CSGALNACT1: variants seen among roughly 807,000 people sequenced by gnomAD.
CSGALNACT1 encodes chondroitin sulfate N-acetylgalactosaminyltransferase 1, also known as beta4GalNAcT-1.
CSGALNACT1 carries 52 observed loss-of-function variants against 51.0 expected under a neutral mutation model. The observed-to-expected ratio is 1.02, with a 90% CI of 0.82 to 1.29. The LOEUF (loss-of-function observed/expected upper bound fraction) is 1.29, where lower values mean the gene tolerates loss of function less well. Among genes scored for constraint, CSGALNACT1 ranks in the 50% most tolerant of loss-of-function variants. The pLI, the probability that CSGALNACT1 is intolerant of heterozygous loss-of-function variation, is 0.00. For missense variants in CSGALNACT1, 935 were observed against 679.2 expected, an observed-to-expected ratio of 1.38 and a Z score of -4.19; for synonymous variants, 341 against 254.4, an observed-to-expected ratio of 1.34 and a Z score of -3.24.
intron 1 of CSGALNACT1, among the ~76,000 whole-genome samples, chr8:19,733,301 C>T (rs985130881): frequency 5.3e-5 from 8 of 152,174 alleles, no homozygotes; most frequent in African/African-American, 1.7e-4. Context: ...GGAACTTGCT[C>T]CTTGTGGTAT....
chr8:19,536,961 A>G (rs1189859882), intron 3 of CSGALNACT1, among the ~76,000 whole-genome samples: 2 of 152,168 alleles, frequency 1.3e-5, no homozygotes, highest in African/African-American at 4.8e-5. Flanking sequence ...TGAATATCCA[A>G]TCTGAGAATC....
intron 1 of CSGALNACT1, among the ~76,000 whole-genome samples, chr8:19,648,061 T>C (rs1025121106): frequency 1.3e-5 from 2 of 152,232 alleles, no homozygotes; most frequent in Non-Finnish European, 2.9e-5. Flanking sequence ...CTCTTTGTTT[T>C]GTTTCAATAT....
chr8:19,466,790 A>G (rs896273840), intron 4 of CSGALNACT1, among the ~76,000 whole-genome samples: 1 of 152,202 alleles, frequency 6.6e-6, no homozygotes, highest in Non-Finnish European at 1.5e-5. Flanking sequence ...ATGTGGGGCC[A>G]CAGAAATGTC....
chr8:19,465,160 G>A (rs961665591), intron 4 of CSGALNACT1, among the ~76,000 whole-genome samples: 4 of 152,176 alleles, frequency 2.6e-5, no homozygotes, highest in Non-Finnish European at 5.9e-5. Context: ...GTACCATTCT[G>A]CCTTAACAAG....
chr8:19,493,304 G>A (rs992315679), intron 4 of CSGALNACT1, among the ~76,000 whole-genome samples: 1 of 151,946 alleles, frequency 6.6e-6, no homozygotes, highest in African/African-American at 2.4e-5. Context: ...TTTGGGGGAG[G>A]GGGACAGAGA....
chr8:19,594,994 T>C (rs991002851), intron 2 of CSGALNACT1, among the ~76,000 whole-genome samples: 7 of 152,230 alleles, frequency 4.6e-5, no homozygotes, highest in African/African-American at 1.4e-4. Context: ...TAGCCCTGTC[T>C]GCAAGTTTTT....
At chr8:19,641,367 C>T (rs2056730423) in intron 1 of CSGALNACT1, among the ~76,000 whole-genome samples, 1 of 152,084 alleles carries the variant, frequency 6.6e-6, no homozygotes, top group African/African-American at 2.4e-5. Flanking sequence ...CTGCCTTAAT[C>T]TAGTTCAGAA....
chr8:19,669,119 G>A (rs907341902), intron 1 of CSGALNACT1, among the ~76,000 whole-genome samples: 1 of 152,178 alleles, frequency 6.6e-6, no homozygotes, highest in African/African-American at 2.4e-5. Context: ...TCATTCAAAA[G>A]TATGTTGATC....
chr8:19,616,942 C>G (rs1318513137), intron 1 of CSGALNACT1, among the ~76,000 whole-genome samples: 1 of 152,206 alleles, frequency 6.6e-6, no homozygotes, highest in South Asian at 2.1e-4. Flanking sequence ...ATGATTCAAA[C>G]TCATTTCACG....
intron 1 of CSGALNACT1, among the ~76,000 whole-genome samples, chr8:19,613,966 G>A (rs1170774070): frequency 6.6e-6 from 1 of 152,128 alleles, no homozygotes; most frequent in East Asian, 1.9e-4. Context: ...CCTGAGAGGT[G>A]ATATTTAGAA....
chr8:19,594,672 T>C (rs1367028488), intron 2 of CSGALNACT1, among the ~76,000 whole-genome samples: 1 of 151,756 alleles, frequency 6.6e-6, no homozygotes, highest in East Asian at 1.9e-4. Context: ...GCTTCCCAAG[T>C]AGTTGGGATT....
At chr8:19,752,710 T>C (rs2065117977) in intron 1 of CSGALNACT1, among the ~76,000 whole-genome samples, 1 of 152,216 alleles carries the variant, frequency 6.6e-6, no homozygotes, top group Non-Finnish European at 1.5e-5. Flanking sequence ...CATTTCCTGC[T>C]TCTCTTTTCT....
At chr8:19,514,648 C>T (rs2079166593) in intron 3 of CSGALNACT1, among the ~76,000 whole-genome samples, 1 of 145,392 alleles carries the variant, frequency 6.9e-6, no homozygotes, top group African/African-American at 2.5e-5. Flanking sequence ...TGGTGAAACC[C>T]CGTCTCTACC....
intron 3 of CSGALNACT1, among the ~76,000 whole-genome samples, chr8:19,518,129 G>C (rs2079920933): frequency 6.6e-6 from 1 of 152,184 alleles, no homozygotes; most frequent in Non-Finnish European, 1.5e-5. Flanking sequence ...ACACTCCCCA[G>C]CCAAGTACTT....
At chr8:19,583,677 G>T (rs77973784) in intron 3 of CSGALNACT1, among the ~76,000 whole-genome samples, 1,985 of 152,236 alleles carry the variant, frequency 0.013, 56 homozygotes, top group African/African-American at 0.046. Context: ...CTGATGACAA[G>T]CATTCCTCAG....
At chr8:19,547,658 C>T (rs112842384) in intron 3 of CSGALNACT1, among the ~76,000 whole-genome samples, 1 of 152,074 alleles carries the variant, frequency 6.6e-6, no homozygotes, top group African/African-American at 2.4e-5. Context: ...TACCCAGTCT[C>T]GGGTATATCT....
At chr8:19,652,813 T>C (rs1262682717) in intron 1 of CSGALNACT1, among the ~76,000 whole-genome samples, 1 of 152,202 alleles carries the variant, frequency 6.6e-6, no homozygotes, top group Non-Finnish European at 1.5e-5. Flanking sequence ...CATACTTGAC[T>C]TCTCCGCAGC....
rs187756697 is a variant in CSGALNACT1, at chr8:19,456,300, C to T, written c.851+2126G>A. Among the ~76,000 whole-genome samples, 568 of 152,332 alleles carry T rather than the reference C, an allele frequency of 3.7e-3. 4 individuals carry two copies. The highest frequency in any genetic ancestry group is 0.013 in the African/African-American group (547 of 41,568). ...TTGTCCTTTCACCGAGCAGATACTT[C>T]TTTAGTGTAAGCACCACCTCAGCAA... is the stretch of plus-strand genomic sequence containing the variant. On this transcript the variant is annotated intron_variant, in intron 5 of 9. Transcript: ENST00000454498.
At chr8:19,687,198 C>T (rs188370239), upstream of CSGALNACT1, among the ~76,000 whole-genome samples, 316 of 152,270 alleles carry the variant, frequency 2.1e-3, 1 homozygote, top group Middle Eastern at 3.4e-3. Context: ...CTCAAAACCA[C>T]CAATGAGCTT....
Sources: allele counts gnomAD v4.1 joint callset (sites outside exome capture counted in the v4.1 genomes callset), GRCh38; gene constraint gnomAD v4.1.1; transcripts MANE v1.5; gene names NCBI Gene and HGNC (gene_info 2026-07-23, HGNC 2026-07-21).